Variants in CCNI observed in about 807,000 individuals in gnomAD.
The protein encoded by CCNI is cyclin-I.
In CCNI, 14 loss-of-function variants were observed where a neutral mutation model predicts 34.1. The observed-to-expected ratio is 0.41, with a 90% confidence interval of 0.27 to 0.64. CCNI has a LOEUF of 0.64. Ranked by LOEUF, CCNI falls within the 30% of genes least tolerant of loss-of-function variation. The pLI, the probability that CCNI is intolerant of heterozygous loss-of-function variation, is 0.31. For synonymous variants in CCNI, 154 were observed against 158.4 expected (o/e 0.97, Z 0.21); for missense variants, 385 against 440.5 (o/e 0.87, Z 1.13).
chr4:77,057,563 C>G (rs1728326574), intron 3 of CCNI, among the ~76,000 whole-genome samples: 1 of 152,172 alleles, frequency 6.6e-6, no homozygotes, highest in South Asian at 2.1e-4. Context: ...CTAATGCCTA[C>G]AAGTTTAAAT....
At chr4:77,064,622 C>CACAA (rs746851003) in intron 2 of CCNI, 3 of 148,230 alleles carry the variant, frequency 2.0e-5, no homozygotes, top group East Asian at 1.9e-4. Context: ...CACACACACA[C>CACAA]AAAATATCAC....
intron 1 of CCNI, among the ~76,000 whole-genome samples, chr4:77,069,175 C>G (rs4252813): frequency 0.096 from 14,612 of 152,198 alleles, 1,639 homozygotes; most frequent in African/African-American, 0.27. Flanking sequence ...CTTGCACTTT[C>G]GAAGGCTGAG....
chr4:77,055,791 C>T (rs1481101357), intron 5 of CCNI, among the ~76,000 whole-genome samples, 171 bp downstream of exon 5: 2 of 152,032 alleles, frequency 1.3e-5, no homozygotes, highest in South Asian at 2.1e-4. Flanking sequence ...TCTAAGTCTG[C>T]GAATTAAGCT....
Position 77,058,596 on chromosome 4 carries a change from G to C in CCNI, c.154C>G (p.Leu52Val), listed in dbSNP as rs41275701. The C allele has an allele frequency of 6.2e-7, 1 of 1,613,150 alleles. No homozygotes were observed. Among genetic ancestry groups the C allele is most frequent in the African/African-American group, 1.3e-5 (1 of 75,036 alleles). Residue 52 changes from leucine to valine, a missense_variant, in exon 3 of 7, where the codon CTG becomes GTG. Physicochemically the swap from Leu to Val is conservative, Grantham distance 32 (BLOSUM62 1). This residue lies in a region of CCNI where 135 missense variants were observed against 191.8 expected (regional missense o/e 0.70). Transcript: ENST00000237654. Reference protein sequence around the residue: ...PSQRDEVIQWLAKLKYQFNLY... With the variant: ...PSQRDEVIQWVAKLKYQFNLY... ...TTGAATTGGTACTTGAGTTTGGCCAGCCATTGAATTACTTCATCTCTCTGG... is the reference window on the plus strand; with the variant it reads ...TTGAATTGGTACTTGAGTTTGGCCACCCATTGAATTACTTCATCTCTCTGG...
chr4:77,055,927 C>G (rs376011936), intron 5 of CCNI, 35 bp downstream of exon 5: 291 of 1,546,112 alleles, frequency 1.9e-4, no homozygotes, highest in Non-Finnish European at 2.4e-4. Context: ...ACTACACACT[C>G]AAATAAGAAA....
rs917369019 is a variant in CCNI, at chr4:77,075,655, G to T, written c.-227C>A. The T allele has an allele frequency of 4.4e-5, 31 of 712,462 alleles. No homozygotes were observed. Among genetic ancestry groups the T allele is most frequent in the South Asian group, 1.4e-4 (2 of 14,226 alleles). 44.1% of individuals were successfully genotyped at this position (712,462 alleles called of 1,614,324 possible). On this transcript the variant is annotated 5_prime_UTR_variant, in exon 1 of 7. Coordinates refer to ENST00000237654, the MANE Select transcript of CCNI (RefSeq NM_006835.3). ...GAAGCGGATCGGGGGGCGCGGGCGCGGGCGCTGGCGCTCGAGCGGGACGCA... is the reference window on the plus strand; with the variant it reads ...GAAGCGGATCGGGGGGCGCGGGCGCTGGCGCTGGCGCTCGAGCGGGACGCA...
intron 2 of CCNI, among the ~76,000 whole-genome samples, chr4:77,061,123 T>C (rs183305999): frequency 3.9e-5 from 6 of 152,196 alleles, no homozygotes; most frequent in Admixed American, 3.9e-4. Context: ...GCCAATGTTA[T>C]CATCACTAGC....
At chr4:77,055,063 G>A (rs1728116491) in intron 6 of CCNI, 87 bp downstream of exon 6, 1 of 820,332 alleles carries the variant, frequency 1.2e-6, no homozygotes, top group Non-Finnish European at 2.0e-6. Flanking sequence ...ATTACAACAT[G>A]AGAAATGTCT....
Position 77,075,651 on chromosome 4 carries a change from G to T in CCNI, c.-223C>A. The T allele has an allele frequency of 2.4e-6, 2 of 837,224 alleles. No individual in the cohort carries two copies. The highest frequency in any genetic ancestry group is 2.9e-6 in the Non-Finnish European group (2 of 693,920). 51.9% of individuals were successfully genotyped at this position (837,224 alleles called of 1,614,324 possible). ...AGGGGAAGCGGATCGGGGGGCGCGG[G>T]CGCGGGCGCTGGCGCTCGAGCGGGA... On this transcript the variant is annotated 5_prime_UTR_variant, in exon 1 of 7. Transcript: ENST00000237654.
intron 2 of CCNI, among the ~76,000 whole-genome samples, chr4:77,060,395 GTTATT>G (rs768260966): frequency 1.2e-4 from 18 of 152,150 alleles, no homozygotes; most frequent in Non-Finnish European, 7.3e-5. Context: ...TATCTATGAA[GTTATT>G]TTAAACACTG....
intron 1 of CCNI, chr4:77,074,796 A>G (rs1442161587): frequency 6.6e-6 from 1 of 152,228 alleles, no homozygotes; most frequent in Non-Finnish European, 1.5e-5. Flanking sequence ...CTACCTCCCG[A>G]AACACCTTCC....
intron 1 of CCNI, among the ~76,000 whole-genome samples, chr4:77,068,360 T>C (rs1729204060): frequency 6.6e-6 from 1 of 152,142 alleles, no homozygotes; most frequent in Non-Finnish European, 1.5e-5. Context: ...TAAAACTACA[T>C]TGGCAGGATG....
Position 77,055,262 on chromosome 4 carries a change from T to TAACC in CCNI, c.577_578insGGTT (p.Gln193ArgfsTer17). 1 of 1,614,156 alleles carries TAACC rather than the reference T, an allele frequency of 6.2e-7. No individual in the cohort carries two copies. Among genetic ancestry groups the TAACC allele is most frequent in the Non-Finnish European group, 8.5e-7 (1 of 1,179,976 alleles). On this transcript the variant is annotated frameshift_variant, in exon 6 of 7. Transcript: ENST00000237654. LOFTEE classifies it high-confidence loss of function. The stretch of plus-strand genomic sequence containing the variant: ...CATGGATCCTCTGAATTGCAGAAGT[T>TAACC]GGTTGCAGGCCATACAGTGAAGTAG...
chr4:77,072,029 A>G (rs1729503130), intron 1 of CCNI, among the ~76,000 whole-genome samples: 1 of 152,194 alleles, frequency 6.6e-6, no homozygotes, highest in Non-Finnish European at 1.5e-5. Context: ...GCCAGTTATT[A>G]CCCTGCTACC....
chr4:77,056,503 G>A (rs1012647533), intron 3 of CCNI, 180 bp from the exon 4 acceptor site: 2 of 562,730 alleles, frequency 3.6e-6, no homozygotes, highest in African/African-American at 1.9e-5. Flanking sequence ...TTAAGAACAG[G>A]AAAGAAAGTT....
intron 2 of CCNI, 76 bp from the exon 3 acceptor site, chr4:77,058,711 T>C (rs933559470): frequency 6.8e-6 from 9 of 1,319,542 alleles, no homozygotes; most frequent in Non-Finnish European, 9.6e-6. Flanking sequence ...TTCTCTCTCA[T>C]AAAAGGTTAG....
intron 3 of CCNI, among the ~76,000 whole-genome samples, chr4:77,057,030 G>A (rs557532860): frequency 1.0e-3 from 155 of 152,198 alleles, no homozygotes; most frequent in African/African-American, 3.7e-3. Context: ...TGATTTAGAA[G>A]TTTTTAATAA....
In CCNI at chr4:77,066,402, C is replaced by T. The variant is rs368425405; in HGVS notation, c.-40G>A. The T allele has an allele frequency of 1.2e-6, 2 of 1,610,934 alleles. No homozygotes were observed. Among genetic ancestry groups the T allele is most frequent in the Non-Finnish European group, 1.7e-6 (2 of 1,178,624 alleles). ...CTGCCTGCTACCCAGCTTGCTGTAG[C>T]TACCTACAGAATCAAGTAAGTTTTA... On this transcript the variant is annotated 5_prime_UTR_variant, in exon 2 of 7. Coordinates refer to ENST00000237654, the MANE Select transcript of CCNI (RefSeq NM_006835.3).
rs559436524 is a variant in CCNI, at chr4:77,051,761, T to C, written c.691-3099A>G. On this transcript the variant is annotated intron_variant, in intron 6 of 6. Transcript: ENST00000237654. ...TCTAATGGAGTTGATAAAAAGGACT[T>C]AAATGAACTCTAATTATAAGGTGTC... Among the ~76,000 whole-genome samples the C allele has an allele frequency of 2.0e-5, 3 of 152,244 alleles. No individual in the cohort carries two copies. The South Asian group carries it at 6.2e-4, about 32-fold the overall frequency.
Sources: allele counts gnomAD v4.1 joint callset (sites outside exome capture counted in the v4.1 genomes callset), GRCh38; gene constraint gnomAD v4.1.1; regional missense constraint gnomAD v4.1.1; transcripts MANE v1.5; gene names NCBI Gene and HGNC (gene_info 2026-07-23, HGNC 2026-07-21).